The following CCDC60 variants were observed in gnomAD, a reference collection of about 807,000 sequenced individuals.
CCDC60 encodes the protein coiled-coil domain containing 60.
In CCDC60, 54 loss-of-function variants were observed where a neutral mutation model predicts 63.5. The observed-to-expected ratio is 0.85, with a 90% CI of 0.68 to 1.07. The LOEUF (loss-of-function observed/expected upper bound fraction) is 1.07. Among genes scored for constraint, CCDC60 ranks in the 50% least tolerant of loss-of-function variants. The pLI, the probability that CCDC60 is intolerant of heterozygous loss-of-function variation, is 0.00. For missense variants in CCDC60, 651 were observed against 684.3 expected (o/e 0.95, Z 0.54); for synonymous variants, 206 against 238.8 (o/e 0.86, Z 1.27).
chr12:119,493,467 G>C (rs1314563100), intron 5 of CCDC60, among the ~76,000 whole-genome samples: 1 of 152,044 alleles, frequency 6.6e-6, no homozygotes, highest in Non-Finnish European at 1.5e-5. Flanking sequence ...TGGATGTTTG[G>C]GTGAATGGAC....
At chr12:119,413,432 C>A (rs1276419884) in intron 1 of CCDC60, among the ~76,000 whole-genome samples, 1 of 152,226 alleles carries the variant, frequency 6.6e-6, no homozygotes, top group Non-Finnish European at 1.5e-5. Context: ...TTGCTCGGCC[C>A]TTAAGGCATC....
At chr12:119,373,499 T>G (rs1682758378) in intron 1 of CCDC60, among the ~76,000 whole-genome samples, 1 of 152,136 alleles carries the variant, frequency 6.6e-6, no homozygotes, top group Non-Finnish European at 1.5e-5. Flanking sequence ...CCAAACCACT[T>G]ACTACATGCC....
At chr12:119,370,125 C>T (rs554169537) in intron 1 of CCDC60, among the ~76,000 whole-genome samples, 25 of 152,294 alleles carry the variant, frequency 1.6e-4, no homozygotes, top group African/African-American at 3.9e-4. Flanking sequence ...ACCTGTCCAA[C>T]GCCTGATTCA....
intron 5 of CCDC60, among the ~76,000 whole-genome samples, chr12:119,499,712 A>T (rs1342203600): frequency 6.6e-6 from 1 of 152,202 alleles, no homozygotes; most frequent in African/African-American, 2.4e-5. Context: ...CCCTTGGGCA[A>T]CAGAAAAAGC....
At chr12:119,351,128 G>A (rs1056317319) in intron 1 of CCDC60, among the ~76,000 whole-genome samples, 3 of 152,302 alleles carry the variant, frequency 2.0e-5, no homozygotes, top group South Asian at 2.1e-4. Flanking sequence ...TGAGGTGAAG[G>A]ATAAAGCATC....
At chr12:119,522,283 G>C (rs1163108049) in intron 9 of CCDC60, among the ~76,000 whole-genome samples, 1 of 152,172 alleles carries the variant, frequency 6.6e-6, no homozygotes, top group Non-Finnish European at 1.5e-5. Context: ...GGGGTGGTGG[G>C]CAGGGGTAGG....
At chr12:119,509,935 AT>A (rs1952167161) in intron 7 of CCDC60, among the ~76,000 whole-genome samples, 1 of 152,172 alleles carries the variant, frequency 6.6e-6, no homozygotes, top group Non-Finnish European at 1.5e-5. Context: ...AAAATAAAAA[AT>A]AAACGATGGA....
At chr12:119,462,230 A>T (rs1015463996) in intron 2 of CCDC60, among the ~76,000 whole-genome samples, 2 of 152,228 alleles carry the variant, frequency 1.3e-5, no homozygotes, top group Non-Finnish European at 2.9e-5. Flanking sequence ...GGGGTTTGCT[A>T]CAGACTTGGC....
chr12:119,459,077 A>G (rs1407922862), intron 2 of CCDC60, among the ~76,000 whole-genome samples: 1 of 152,156 alleles, frequency 6.6e-6, no homozygotes, highest in African/African-American at 2.4e-5. Flanking sequence ...AGAACTTCTG[A>G]GATTAACTGA....
chr12:119,479,295 T>G (rs1951248986), intron 4 of CCDC60, 94 bp downstream of exon 4: 4 of 811,102 alleles, frequency 4.9e-6, no homozygotes, highest in Non-Finnish European at 8.1e-6. Flanking sequence ...CAGTAGCTGT[T>G]CCTTTGTCCT....
chr12:119,501,051 T>C (rs962056311), intron 6 of CCDC60, among the ~76,000 whole-genome samples: 1 of 152,108 alleles, frequency 6.6e-6, no homozygotes, highest in South Asian at 2.1e-4. Flanking sequence ...AAAGGTAATA[T>C]TGAGATAGGT....
At chr12:119,411,291 A>G (rs531539558) in intron 1 of CCDC60, among the ~76,000 whole-genome samples, 1 of 152,252 alleles carries the variant, frequency 6.6e-6, no homozygotes, top group Admixed American at 6.5e-5. Flanking sequence ...GACCAGAAAC[A>G]TGTCACATAG....
At chr12:119,523,044 A>T (rs1412444657) in intron 10 of CCDC60, 43 bp downstream of exon 10, 1 of 1,531,936 alleles carries the variant, frequency 6.5e-7, no homozygotes, top group Non-Finnish European at 9.0e-7. Flanking sequence ...AAGAGGGAAT[A>T]TGGTGACCAC....
chr12:119,477,935 GGA>G lies in CCDC60; in HGVS notation c.342-1146_342-1145del, dbSNP rs368475876. Among the ~76,000 whole-genome samples the G allele has an allele frequency of 2.6e-5, 4 of 151,746 alleles. 1 individual carries two copies. The highest frequency in any genetic ancestry group is 7.2e-5 in the African/African-American group (3 of 41,382). On this transcript the variant is annotated intron_variant, in intron 3 of 13. Transcript: ENST00000327554. Reference sequence around the variant, plus strand: ...ACACACACACTCACAGAGAGAGAGAGGAGAGAGAGAGAGAAAGAGAGAGAAAA... The same window carrying G: ...ACACACACACTCACAGAGAGAGAGAGGAGAGAGAGAGAAAGAGAGAGAAAA...
chr12:119,385,690 G>GTTGGA (rs2136189179), intron 1 of CCDC60, among the ~76,000 whole-genome samples: 1 of 152,346 alleles, frequency 6.6e-6, no homozygotes, highest in Non-Finnish European at 1.5e-5. Context: ...AGATAGAAAG[G>GTTGGA]TTGGAGTCTC....
chr12:119,479,681 TC>T (rs1430832023), intron 4 of CCDC60: 1 of 152,644 alleles, frequency 6.6e-6, no homozygotes, highest in African/African-American at 2.4e-5. Flanking sequence ...GATGTCTTGT[TC>T]CCCTTGTGTC....
At chr12:119,513,605 C>A (rs886075421) in intron 7 of CCDC60, among the ~76,000 whole-genome samples, 32 of 152,162 alleles carry the variant, frequency 2.1e-4, no homozygotes, top group Non-Finnish European at 2.9e-5. Flanking sequence ...TATGATGTCA[C>A]CTTGACTTAA....
chr12:119,512,250 G>A (rs1468813366), intron 7 of CCDC60, among the ~76,000 whole-genome samples: 5 of 152,170 alleles, frequency 3.3e-5, no homozygotes, highest in Non-Finnish European at 5.9e-5. Context: ...GTCTGCACTG[G>A]TATTGTCATC....
chr12:119,449,075 T>G (rs1316779362), intron 2 of CCDC60, among the ~76,000 whole-genome samples: 2 of 152,264 alleles, frequency 1.3e-5, no homozygotes, highest in South Asian at 2.1e-4. Context: ...GGTGACTTTT[T>G]GGGGGGCAGG....
Sources: allele counts gnomAD v4.1 joint callset (sites outside exome capture counted in the v4.1 genomes callset), GRCh38; gene constraint gnomAD v4.1.1; transcripts MANE v1.5; gene names NCBI Gene and HGNC (gene_info 2026-07-23, HGNC 2026-07-21).